CDKAL1: variants seen among roughly 807,000 people sequenced by gnomAD.
CDKAL1 encodes the protein CDKAL1 threonylcarbamoyladenosine tRNA methylthiotransferase, also known as threonylcarbamoyladenosine tRNA methylthiotransferase.
CDKAL1 carries 32 observed loss-of-function variants against 68.2 expected under a neutral mutation model. The ratio of observed to expected loss-of-function variants is 0.47; its 90% confidence interval spans 0.35 to 0.63. CDKAL1 has a LOEUF of 0.63. Among genes scored for constraint, CDKAL1 ranks in the 30% least tolerant of loss-of-function variants. The pLI is 0.00. For missense variants in CDKAL1, 606 were observed against 696.7 expected, an observed-to-expected ratio of 0.87 and a Z score of 1.47; for synonymous variants, 234 against 244.3, an observed-to-expected ratio of 0.96 and a Z score of 0.39.
intron 9 of CDKAL1, among the ~76,000 whole-genome samples, chr6:20,936,502 G>T (rs974694005): frequency 2.0e-5 from 3 of 150,998 alleles, no homozygotes; most frequent in African/African-American, 7.3e-5. Flanking sequence ...CGCCCGCCTC[G>T]GCCTCCCAAA....
At chr6:20,904,033 G>A (rs1023260482) in intron 9 of CDKAL1, among the ~76,000 whole-genome samples, 1 of 152,208 alleles carries the variant, frequency 6.6e-6, no homozygotes, top group Non-Finnish European at 1.5e-5. Flanking sequence ...GGGGTAGGCA[G>A]CCATACACTT....
At chr6:21,081,000 T>C (rs1203776941) in intron 12 of CDKAL1, among the ~76,000 whole-genome samples, 1 of 152,246 alleles carries the variant, frequency 6.6e-6, no homozygotes, top group African/African-American at 2.4e-5. Flanking sequence ...AACCCAACTT[T>C]AGGATAATGA....
intron 5 of CDKAL1, among the ~76,000 whole-genome samples, chr6:20,711,810 A>G (rs1342042311): frequency 6.6e-6 from 1 of 152,230 alleles, no homozygotes; most frequent in East Asian, 1.9e-4. Context: ...ATAGTTCAAG[A>G]TATTACATGC....
At chr6:20,665,384 G>A (rs935696242) in intron 5 of CDKAL1, among the ~76,000 whole-genome samples, 3 of 152,048 alleles carry the variant, frequency 2.0e-5, no homozygotes, top group African/African-American at 7.2e-5. Flanking sequence ...AAATGCTTAG[G>A]CACAAATATA....
rs536178411 is a variant in CDKAL1, at chr6:20,546,028, C to A, written c.-5-318C>A. Among the ~76,000 whole-genome samples the A allele has an allele frequency of 2.0e-5, 3 of 152,262 alleles. No homozygotes were observed. In the East Asian group the frequency reaches 5.8e-4, roughly 29 times the overall value. ...ACTGCATTTTGTTGTTAGGCTTTTA[C>A]GCTTCCTGTTATCTGAAACAGTTCC... is the stretch of plus-strand genomic sequence containing the variant. On this transcript the variant is annotated intron_variant, in intron 2 of 15. Coordinates refer to ENST00000274695, the MANE Select transcript of CDKAL1 (RefSeq NM_017774.3).
At chr6:21,022,746 G>T (rs1260917839) in intron 11 of CDKAL1, among the ~76,000 whole-genome samples, 4 of 152,160 alleles carry the variant, frequency 2.6e-5, no homozygotes, top group Non-Finnish European at 4.4e-5. Context: ...ATGCGCATCA[G>T]TGGGTTTCTA....
intron 12 of CDKAL1, among the ~76,000 whole-genome samples, chr6:21,105,290 C>T (rs560162033): frequency 3.3e-5 from 5 of 152,338 alleles, no homozygotes; most frequent in Admixed American, 3.3e-4. Flanking sequence ...CATCTTTGCT[C>T]TCCAGGGGAA....
At chr6:20,862,401 C>T (rs1759678687) in intron 9 of CDKAL1, among the ~76,000 whole-genome samples, 1 of 152,202 alleles carries the variant, frequency 6.6e-6, no homozygotes, top group African/African-American at 2.4e-5. Context: ...TCTTATCCAA[C>T]CTCAGTTTTC....
rs35693086 is a variant in CDKAL1 at position 20,982,048 on chromosome 6, C to CTTATTTATTTAT, written c.910-18154_910-18143dup. On this transcript the variant is annotated intron_variant, in intron 10 of 15. Transcript: ENST00000274695. Reference sequence around the variant, plus strand: ...TTCTCACCTAAGATAGAAGGAAATTCTTATTTATTTATTTATTTATTTATT... The same window carrying CTTATTTATTTAT: ...TTCTCACCTAAGATAGAAGGAAATTCTTATTTATTTATTTATTTATTTATTTATTTATTTATT... Among the ~76,000 whole-genome samples, 600 of 147,066 alleles carry CTTATTTATTTAT rather than the reference C, an allele frequency of 4.1e-3. 6 individuals are homozygous for CTTATTTATTTAT. The highest frequency in any genetic ancestry group is 0.013 in the East Asian group (63 of 4,974).
intron 9 of CDKAL1, among the ~76,000 whole-genome samples, chr6:20,871,577 A>AC (rs113417005): frequency 0.014 from 2,059 of 152,296 alleles, 32 homozygotes; most frequent in African/African-American, 0.047. Context: ...AACAACAACA[A>AC]CGACAAAAAT....
chr6:21,135,790 G>A lies in CDKAL1; in HGVS notation c.1299+27327G>A, dbSNP rs1380402251. ...CAGAAAGACAGCTTTCAAGAGGCCA[G>A]TGCTCCGCTTCTCCATTGGAGAACG... On this transcript the variant is annotated intron_variant, in intron 13 of 15. Coordinates refer to ENST00000274695, the MANE Select transcript of CDKAL1 (RefSeq NM_017774.3). 2 of 668,432 alleles carry A rather than the reference G, an allele frequency of 3.0e-6. 1 individual carries two copies. Among genetic ancestry groups the A allele is most frequent in the East Asian group, 2.7e-4 (2 of 7,372 alleles). 41.4% of individuals were successfully genotyped at this position (668,432 alleles called of 1,614,324 possible). A position where few individuals can be genotyped will look rare whatever the true frequency, so the allele number is the denominator to read the frequency against.
In CDKAL1 at chr6:20,677,531, G is replaced by T. The variant is rs1173453509; in HGVS notation, c.371+28154G>T. Among the ~76,000 whole-genome samples, 3 of 152,012 alleles carry T rather than the reference G, an allele frequency of 2.0e-5. No individual in the cohort carries two copies. In the East Asian group the frequency reaches 5.8e-4, roughly 29 times the overall value. On this transcript the variant is annotated intron_variant, in intron 5 of 15. Coordinates refer to ENST00000274695, the MANE Select transcript of CDKAL1 (RefSeq NM_017774.3). ...CCTCCCAGGTTCAAGCGATTCTCCTGCGTCAGCCTCCCTAGTAGCTGGGAT... is the reference window on the plus strand; with the variant it reads ...CCTCCCAGGTTCAAGCGATTCTCCTTCGTCAGCCTCCCTAGTAGCTGGGAT...
At chr6:20,583,786 C>A (rs181365850) in intron 4 of CDKAL1, among the ~76,000 whole-genome samples, 3,494 of 148,040 alleles carry the variant, frequency 0.024, 157 homozygotes, top group African/African-American at 0.083. Flanking sequence ...GTAAAAGCGC[C>A]CCCCCCCACT....
intron 4 of CDKAL1, among the ~76,000 whole-genome samples, chr6:20,585,914 C>G (rs1765335900): frequency 6.6e-6 from 1 of 151,940 alleles, no homozygotes; most frequent in Admixed American, 6.6e-5. Context: ...GAATTTGGAT[C>G]TTTAAAAGGC....
chr6:21,114,026 A>C (rs1289760340), intron 13 of CDKAL1, among the ~76,000 whole-genome samples: 1 of 151,952 alleles, frequency 6.6e-6, no homozygotes, highest in Non-Finnish European at 1.5e-5. Context: ...AGGCGGGCAG[A>C]TCACGAGGTC....
chr6:20,889,051 A>C (rs1299478882), intron 9 of CDKAL1, among the ~76,000 whole-genome samples: 1 of 152,158 alleles, frequency 6.6e-6, no homozygotes, highest in East Asian at 1.9e-4. Context: ...TGACTTTTTA[A>C]TGATCGCCAT....
At chr6:20,648,100 G>A (rs1159975520) in intron 4 of CDKAL1, among the ~76,000 whole-genome samples, 4 of 146,214 alleles carry the variant, frequency 2.7e-5, no homozygotes, top group African/African-American at 1.0e-4. Context: ...ATTTTTTTTT[G>A]CCATGTTTAT....
intron 11 of CDKAL1, among the ~76,000 whole-genome samples, chr6:21,046,733 A>G (rs1244269276): frequency 6.6e-6 from 1 of 152,258 alleles, no homozygotes; most frequent in Non-Finnish European, 1.5e-5. Flanking sequence ...TCACAGGGAA[A>G]GGGCTCTTGG....
chr6:20,751,473 T>C (rs1773922014), intron 6 of CDKAL1, among the ~76,000 whole-genome samples: 1 of 152,190 alleles, frequency 6.6e-6, no homozygotes, highest in South Asian at 2.1e-4. Context: ...GTGACTATCA[T>C]AGTGGATGGC....
Sources: allele counts gnomAD v4.1 joint callset (sites outside exome capture counted in the v4.1 genomes callset), GRCh38; gene constraint gnomAD v4.1.1; transcripts MANE v1.5; gene names NCBI Gene and HGNC (gene_info 2026-07-23, HGNC 2026-07-21).